PPARGC1A: variants seen among roughly 807,000 people sequenced by gnomAD.
PPARGC1A encodes the protein peroxisome proliferator-activated receptor gamma coactivator 1-alpha.
In PPARGC1A, 25 loss-of-function variants were observed where a neutral mutation model predicts 88.7. The observed-to-expected ratio is 0.28, with a 90% CI of 0.21 to 0.39. PPARGC1A has a LOEUF of 0.39. Among genes scored for constraint, PPARGC1A ranks in the 10% least tolerant of loss-of-function variants. The probability of loss-of-function intolerance (pLI) is 1.00; values close to 1 mark genes in which losing one functional copy is unlikely to be tolerated. For synonymous variants in PPARGC1A, 363 were observed against 355.6 expected (o/e 1.02, Z -0.24); for missense variants, 880 against 968.7 (o/e 0.91, Z 1.22).
At chr4:24,417,916 A>G in the PPARGC1A span, among the ~76,000 whole-genome samples, 1 of 152,106 alleles carries the variant, frequency 6.6e-6, no homozygotes, top group East Asian at 1.9e-4. Context: ...TCAAAAACAT[A>G]CTTTTTAAAG....
chr4:24,331,703 T>C, the PPARGC1A span, among the ~76,000 whole-genome samples: 1 of 152,176 alleles, frequency 6.6e-6, no homozygotes, highest in South Asian at 2.1e-4. Context: ...CAGCATAATG[T>C]GCAACCTTCC....
the PPARGC1A span, among the ~76,000 whole-genome samples, chr4:24,263,454 T>TACAC: frequency 5.6e-5 from 2 of 35,638 alleles, no homozygotes; most frequent in Admixed American, 3.8e-4. Context: ...CATGTGGGTG[T>TACAC]ATACACACAC....
chr4:24,273,978 G>T, the PPARGC1A span, among the ~76,000 whole-genome samples: 2 of 151,692 alleles, frequency 1.3e-5, no homozygotes, highest in African/African-American at 4.8e-5. Flanking sequence ...GACCTCAGGT[G>T]ATCCACCGCC....
the PPARGC1A span, among the ~76,000 whole-genome samples, chr4:24,328,418 T>C: frequency 2.0e-5 from 3 of 152,132 alleles, no homozygotes; most frequent in African/African-American, 7.2e-5. Context: ...TTCAGTCCCA[T>C]TTGATTGTAG....
At chr4:24,022,108 G>C in the PPARGC1A span, among the ~76,000 whole-genome samples, 1 of 152,164 alleles carries the variant, frequency 6.6e-6, no homozygotes, top group African/African-American at 2.4e-5. Flanking sequence ...GAGAATGAGA[G>C]GGCTGAGCTA....
the PPARGC1A span, among the ~76,000 whole-genome samples, chr4:23,953,742 T>C: frequency 6.6e-6 from 1 of 152,060 alleles, no homozygotes; most frequent in African/African-American, 2.4e-5. Flanking sequence ...AAAGAAATAG[T>C]AACCATTTTA....
At chr4:23,848,596 C>T (rs1486917847) in intron 2 of PPARGC1A, among the ~76,000 whole-genome samples, 2 of 152,174 alleles carry the variant, frequency 1.3e-5, no homozygotes, top group Admixed American at 6.6e-5. Context: ...CAATTGATAG[C>T]AAAATAATTC....
At chr4:24,000,496 TA>T in the PPARGC1A span, among the ~76,000 whole-genome samples, 3 of 108,740 alleles carry the variant, frequency 2.8e-5, no homozygotes, top group Non-Finnish European at 5.5e-5. Flanking sequence ...AAATACATCT[TA>T]AAAATGCAGC....
At chr4:24,201,426 C>T in the PPARGC1A span, among the ~76,000 whole-genome samples, 3 of 152,218 alleles carry the variant, frequency 2.0e-5, no homozygotes, top group Admixed American at 2.0e-4. Context: ...GGGTGTTGTT[C>T]ACGAGCAGAG....
chr4:24,235,740 G>C, the PPARGC1A span, among the ~76,000 whole-genome samples: 2 of 152,178 alleles, frequency 1.3e-5, no homozygotes, highest in African/African-American at 2.4e-5. Flanking sequence ...GAAACAGAAT[G>C]AATTGACTTT....
chr4:24,171,359 T>C, the PPARGC1A span, among the ~76,000 whole-genome samples: 1 of 151,800 alleles, frequency 6.6e-6, no homozygotes, highest in East Asian at 1.9e-4. Flanking sequence ...TGAGCAGAGA[T>C]CGCACCACTG....
At chr4:24,163,077 ACAT>A in the PPARGC1A span, among the ~76,000 whole-genome samples, 2 of 151,526 alleles carry the variant, frequency 1.3e-5, no homozygotes, top group Non-Finnish European at 2.9e-5. Flanking sequence ...TTCTGAATAC[ACAT>A]CATGTCTCTC....
chr4:24,255,501 T>TA, the PPARGC1A span, among the ~76,000 whole-genome samples: 2 of 152,226 alleles, frequency 1.3e-5, no homozygotes, highest in Non-Finnish European at 2.9e-5. Context: ...TCTTTTTACT[T>TA]ACGGCTTTCC....
the PPARGC1A span, among the ~76,000 whole-genome samples, chr4:24,077,621 A>AG: frequency 8.7e-6 from 1 of 115,488 alleles, no homozygotes; most frequent in Non-Finnish European, 1.8e-5. Context: ...TGATGTGTCT[A>AG]GGGGTGTGTG....
the PPARGC1A span, among the ~76,000 whole-genome samples, chr4:24,085,874 C>A: frequency 1.3e-5 from 2 of 152,082 alleles, no homozygotes; most frequent in Non-Finnish European, 2.9e-5. Context: ...AATTAAGTGA[C>A]CTTACCCTCT....
At chr4:24,277,653 T>A in the PPARGC1A span, among the ~76,000 whole-genome samples, 1 of 152,216 alleles carries the variant, frequency 6.6e-6, no homozygotes, top group Non-Finnish European at 1.5e-5. Context: ...CTAGGCGAGA[T>A]GAAATCTGAT....
chr4:24,250,091 C>G, the PPARGC1A span, among the ~76,000 whole-genome samples: 1 of 152,242 alleles, frequency 6.6e-6, no homozygotes, highest in East Asian at 1.9e-4. Context: ...ATGGGCAGGA[C>G]TAGATAAGGA....
At chr4:23,899,998 G>A (rs1042880824), upstream of PPARGC1A, among the ~76,000 whole-genome samples, 58 of 119,492 alleles carry the variant, frequency 4.9e-4, no homozygotes, top group Admixed American at 7.1e-4. Context: ...AATTTTTGAA[G>A]TTTGCTGCCT....
At chr4:24,072,528 C>A in the PPARGC1A span, among the ~76,000 whole-genome samples, 1 of 152,020 alleles carries the variant, frequency 6.6e-6, no homozygotes, top group Non-Finnish European at 1.5e-5. Flanking sequence ...TCTCTAGGAA[C>A]CAGGCAGTTG....
Sources: gnomAD v4.1 joint callset for allele counts (sites outside exome capture counted in the v4.1 genomes callset) on GRCh38, gnomAD v4.1.1 for gene constraint, MANE v1.5 for transcripts, NCBI Gene and HGNC (gene_info 2026-07-23, HGNC 2026-07-21) for gene names.